DAP: variants seen among roughly 807,000 people sequenced by gnomAD.
The protein encoded by DAP is death-associated protein 1.
In DAP, 8 loss-of-function variants were observed where a neutral mutation model predicts 13.8. The ratio of observed to expected loss-of-function variants is 0.58; its 90% CI spans 0.34 to 1.05. DAP has a LOEUF of 1.05. Among genes scored for constraint, DAP ranks in the 50% least tolerant of loss-of-function variants. The pLI is 0.03. For missense variants in DAP, 106 were observed against 133.2 expected (o/e 0.80, Z 1.01); for synonymous variants, 47 against 47.5 (o/e 0.99, Z 0.04).
intron 2 of DAP, among the ~76,000 whole-genome samples, chr5:10,745,580 T>C (rs1739879192): frequency 6.6e-6 from 1 of 152,242 alleles, no homozygotes; most frequent in African/African-American, 2.4e-5. Context: ...TTATTTAAAT[T>C]GATCATCTTC....
chr5:10,753,722 T>C (rs1740103780), intron 1 of DAP, among the ~76,000 whole-genome samples: 1 of 152,178 alleles, frequency 6.6e-6, no homozygotes, highest in Non-Finnish European at 1.5e-5. Flanking sequence ...GGGAGCAATT[T>C]CCAGCAGGGA....
chr5:10,683,138 G>T (rs1738066098), intron 3 of DAP: 1 of 271,820 alleles, frequency 3.7e-6, no homozygotes, highest in African/African-American at 2.3e-5. Flanking sequence ...TCCACCAACA[G>T]TGGGCTGTCC....
intron 2 of DAP, among the ~76,000 whole-genome samples, chr5:10,695,572 C>G (rs887432042): frequency 6.6e-6 from 1 of 152,222 alleles, no homozygotes; most frequent in African/African-American, 2.4e-5. Context: ...ATTGGTCTAA[C>G]AGCACCTTCT....
At chr5:10,760,889 C>G in intron 1 of DAP, 125 bp downstream of exon 1, 1 of 521,258 alleles carries the variant, frequency 1.9e-6, no homozygotes, top group Middle Eastern at 7.3e-4. Flanking sequence ...CTCGGGCGGG[C>G]ATCAAGGCCC....
intron 2 of DAP, among the ~76,000 whole-genome samples, chr5:10,727,783 C>T (rs765737335): frequency 2.6e-5 from 4 of 152,200 alleles, no homozygotes; most frequent in Non-Finnish European, 4.4e-5. Flanking sequence ...GGTTCCAGCA[C>T]CCCTGTGGAT....
intron 1 of DAP, among the ~76,000 whole-genome samples, chr5:10,755,732 C>CA (rs1402503985): frequency 2.6e-5 from 4 of 151,950 alleles, no homozygotes; most frequent in African/African-American, 9.7e-5. Flanking sequence ...TCTATAGAAA[C>CA]AAAAAAAACT....
intron 2 of DAP, among the ~76,000 whole-genome samples, chr5:10,710,508 C>T (rs1258715597): frequency 6.6e-6 from 1 of 152,212 alleles, no homozygotes; most frequent in Non-Finnish European, 1.5e-5. Flanking sequence ...TTAGAGGCCA[C>T]AGAGCGCTCT....
rs1159707764 is a variant in DAP, at chr5:10,679,581, T to G, written c.*1475A>C. 3 of 152,416 alleles carry G rather than the reference T, an allele frequency of 2.0e-5. No homozygotes were observed. The highest frequency in any genetic ancestry group is 2.0e-4 in the Admixed American group (3 of 15,284). The allele number at this position is 152,416 out of a possible 1,614,324, so 9.4% of individuals were successfully genotyped here. A position where few individuals can be genotyped will look rare whatever the true frequency, so the allele number is the denominator to read the frequency against. ...CCATGGCAGCGCTGCCAACCAAGTCTGGGTCTCTAAAAGCCACCCTCAGTT... is the reference window on the plus strand; with the variant it reads ...CCATGGCAGCGCTGCCAACCAAGTCGGGGTCTCTAAAAGCCACCCTCAGTT... On this transcript the variant is annotated 3_prime_UTR_variant, in exon 4 of 4. Coordinates refer to ENST00000230895, the MANE Select transcript of DAP (RefSeq NM_004394.3).
intron 1 of DAP, among the ~76,000 whole-genome samples, chr5:10,751,292 C>T (rs976553685): frequency 6.6e-6 from 1 of 152,214 alleles, no homozygotes; most frequent in Non-Finnish European, 1.5e-5. Flanking sequence ...AAAAGACCTA[C>T]CATTTGCAGG....
chr5:10,699,039 T>C (rs1738501334), intron 2 of DAP, among the ~76,000 whole-genome samples: 1 of 152,200 alleles, frequency 6.6e-6, no homozygotes, highest in Non-Finnish European at 1.5e-5. Flanking sequence ...AGGTGCAGGT[T>C]TGGGGGGGAT....
chr5:10,740,068 C>A (rs1401810387), intron 2 of DAP, among the ~76,000 whole-genome samples: 1 of 152,142 alleles, frequency 6.6e-6, no homozygotes, highest in African/African-American at 2.4e-5. Flanking sequence ...TGATAAATAT[C>A]TGTGAAAAGA....
chr5:10,692,235 T>TGAC (rs370988797), intron 2 of DAP, among the ~76,000 whole-genome samples: 5 of 57,148 alleles, frequency 8.7e-5, no homozygotes, highest in African/African-American at 6.1e-4. Flanking sequence ...TGAGAAGACT[T>TGAC]TTAACATTCT....
At chr5:10,726,386 T>C (rs1302142762) in intron 2 of DAP, among the ~76,000 whole-genome samples, 1 of 152,158 alleles carries the variant, frequency 6.6e-6, no homozygotes, top group Non-Finnish European at 1.5e-5. Flanking sequence ...CACAGCGTGG[T>C]GGGGAACAAG....
rs772574208 is a variant in DAP, at chr5:10,761,080, G to A, written c.-12C>T. 8.3e-7 allele frequency: 1 copy of A among 1,210,566 alleles called. No individual in the cohort carries two copies. The highest frequency in any genetic ancestry group is 1.0e-6 in the Non-Finnish European group (1 of 962,522). 75.0% of individuals were successfully genotyped at this position (1,210,566 alleles called of 1,614,324 possible). ...GGAGGCGAAGACATGACGCGGCGGG[G>A]CTTCCGCGGGGCCGAGGCGGCGGCG... On this transcript the variant is annotated 5_prime_UTR_variant, in exon 1 of 4. Transcript: ENST00000230895.
At chr5:10,732,401 T>C (rs1739488450) in intron 2 of DAP, among the ~76,000 whole-genome samples, 1 of 152,256 alleles carries the variant, frequency 6.6e-6, no homozygotes, top group Non-Finnish European at 1.5e-5. Flanking sequence ...CCTGTGTCTA[T>C]GCATTTGCTT....
At chr5:10,692,725 T>C (rs1158039589) in intron 2 of DAP, among the ~76,000 whole-genome samples, 1 of 152,110 alleles carries the variant, frequency 6.6e-6, no homozygotes, top group African/African-American at 2.4e-5. Flanking sequence ...AGGACACCGA[T>C]ATTGCAATAA....
In DAP at chr5:10,702,064, A is replaced by G. The variant is rs537330178; in HGVS notation, c.153-18493T>C. 2.0e-5 allele frequency among the ~76,000 whole-genome samples: 3 copies of G among 152,258 alleles called. No homozygotes were observed. The South Asian group carries it at 6.2e-4, about 32-fold the overall frequency. The stretch of plus-strand genomic sequence containing the variant: ...CTTTCCCAGCTGTGTTGCCATAAGA[A>G]CTTCCCAACATGGCTTTAGGCTTAT... On this transcript the variant is annotated intron_variant, in intron 2 of 3. Coordinates refer to ENST00000230895, the MANE Select transcript of DAP (RefSeq NM_004394.3).
At chr5:10,697,528 T>C (rs1048258538) in intron 2 of DAP, among the ~76,000 whole-genome samples, 6 of 152,156 alleles carry the variant, frequency 3.9e-5, no homozygotes, top group Non-Finnish European at 8.8e-5. Flanking sequence ...TAAAAATCAC[T>C]CTATTTATTG....
chr5:10,732,099 C>G (rs962421091), intron 2 of DAP, among the ~76,000 whole-genome samples: 1 of 152,244 alleles, frequency 6.6e-6, no homozygotes, highest in Non-Finnish European at 1.5e-5. Flanking sequence ...CCACAGTGAG[C>G]TTCCGCTTTC....
Sources: gnomAD v4.1 joint callset for allele counts (sites outside exome capture counted in the v4.1 genomes callset) on GRCh38, gnomAD v4.1.1 for gene constraint, MANE v1.5 for transcripts, NCBI Gene and HGNC (gene_info 2026-07-23, HGNC 2026-07-21) for gene names.